The following ZNF800 variants were observed in gnomAD, a reference collection of about 807,000 sequenced individuals.
ZNF800 encodes zinc finger protein 800.
Under a neutral mutation model 59.5 loss-of-function variants are expected in ZNF800, and 13 were observed. The ratio of observed to expected loss-of-function variants is 0.22; its 90% confidence interval spans 0.14 to 0.35. The LOEUF (loss-of-function observed/expected upper bound fraction) is 0.35, where lower values mean the gene tolerates loss of function less well. ZNF800 is among the 10% of genes least tolerant of loss of function. ZNF800 has a pLI of 1.00. For synonymous variants in ZNF800, 266 were observed against 265.7 expected (o/e 1.00, Z -0.01); for missense variants, 621 against 783.7 (o/e 0.79, Z 2.48).
Position 127,374,281 on chromosome 7 carries a change from G to C in ZNF800, c.1055C>G (p.Ala352Gly). 1 of 1,613,622 alleles carries C rather than the reference G, an allele frequency of 6.2e-7. No individual in the cohort carries two copies. The highest frequency in any genetic ancestry group is 8.5e-7 in the Non-Finnish European group (1 of 1,179,906). Residue 352 changes from alanine (A) to glycine (G), a missense_variant, in exon 5 of 6, where the codon GCT becomes GGT. Ala to Gly is a moderately conservative substitution (Grantham distance 60). This residue lies in a region of ZNF800 where 185 missense variants were observed against 177.6 expected (regional missense o/e 1.04). Transcript: ENST00000265827. ...KTRKQKSSSKAEYNLTACKCL... is the reference protein window; with the variant it reads ...KTRKQKSSSKGEYNLTACKCL... Reference sequence around the variant, plus strand: ...TTTGCATGCAGTTAAATTGTATTCAGCCTTTGAAGAAGACTTTTGTTTTCG... The same window carrying C: ...TTTGCATGCAGTTAAATTGTATTCACCCTTTGAAGAAGACTTTTGTTTTCG...
At position 127,371,531 on chromosome 7, in the gene ZNF800, C is replaced by T. The variant is rs982941618; in HGVS notation, c.*283G>A. ...AAAATTTGTAACATTTTTGTAGAAA[C>T]TGTCGACCAAATGCACAAGGTCAAG... is the stretch of plus-strand genomic sequence containing the variant. On this transcript the variant is annotated 3_prime_UTR_variant, in exon 6 of 6. Transcript: ENST00000265827. 3.3e-6 allele frequency: 1 copy of T among 305,184 alleles called. No homozygotes were observed. Among genetic ancestry groups the T allele is most frequent in the African/African-American group, 2.1e-5 (1 of 46,542 alleles). 18.9% of individuals were successfully genotyped at this position (305,184 alleles called of 1,614,324 possible).
chr7:127,374,640 A>G lies in ZNF800; in HGVS notation c.696T>C (p.Cys232=). 1.9e-6 allele frequency: 3 copies of G among 1,614,076 alleles called. No homozygotes were observed. The highest frequency in any genetic ancestry group is 2.5e-6 in the Non-Finnish European group (3 of 1,179,946). Residue 232 remains cysteine, a synonymous_variant, in exon 5 of 6, where the codon TGT becomes TGC. Coordinates refer to ENST00000265827, the MANE Select transcript of ZNF800 (RefSeq NM_176814.5). ...DNSDFGHQLI[C]CLCRKEFNSR... ...AATTGAATTCTTTTCTACAAAGACA[A>G]CATATCAACTGGTGACCAAAATCAG... is the stretch of plus-strand genomic sequence containing the variant.
intron 3 of ZNF800, 71 bp downstream of exon 3, chr7:127,385,989 T>C: frequency 1.0e-6 from 1 of 998,718 alleles, no homozygotes; most frequent in Non-Finnish European, 1.5e-6. Flanking sequence ...TTAAAAATTA[T>C]TTCTAAGGAC....
downstream of ZNF800, among the ~76,000 whole-genome samples, chr7:127,344,335 G>A (rs985149216): frequency 2.6e-5 from 4 of 151,944 alleles, no homozygotes; most frequent in African/African-American, 9.7e-5. Context: ...ATAAAAATAT[G>A]CAAAACATAC....
At chr7:127,343,168 G>T (rs1313637035), downstream of ZNF800, among the ~76,000 whole-genome samples, 1 of 151,528 alleles carries the variant, frequency 6.6e-6, no homozygotes, top group Non-Finnish European at 1.5e-5. Flanking sequence ...CCATCAATTA[G>T]TACAAAACAT....
chr7:127,351,024 G>A (rs1030793124), intron 1 of ZNF800, among the ~76,000 whole-genome samples: 3 of 152,204 alleles, frequency 2.0e-5, no homozygotes, highest in African/African-American at 7.2e-5. Flanking sequence ...TGCACTGAGA[G>A]GCATCAACAG....
At chr7:127,378,408 C>T (rs1223288860) in intron 3 of ZNF800, among the ~76,000 whole-genome samples, 2 of 151,980 alleles carry the variant, frequency 1.3e-5, no homozygotes, top group African/African-American at 4.8e-5. Context: ...CTTTACTTTC[C>T]TCAAATTAAA....
intron 1 of ZNF800, among the ~76,000 whole-genome samples, chr7:127,352,001 G>GAAATTTA (rs1002826638): frequency 1.1e-4 from 17 of 152,136 alleles, no homozygotes; most frequent in African/African-American, 4.1e-4. Context: ...GCAAGAAACT[G>GAAATTTA]AAATTTAAAA....
chr7:127,367,802 G>C (rs909228593), downstream of ZNF800, among the ~76,000 whole-genome samples: 2 of 152,074 alleles, frequency 1.3e-5, no homozygotes, highest in African/African-American at 4.8e-5. Context: ...AAATGTGCTA[G>C]GCACCGTACA....
intron 1 of ZNF800, chr7:127,361,878 T>A (rs1800399658): frequency 1.3e-5 from 2 of 152,136 alleles, no homozygotes; most frequent in African/African-American, 4.8e-5. Flanking sequence ...TTTGGAAAGG[T>A]TCTCATTCAA....
In ZNF800 at chr7:127,373,368, T is replaced by G; in HGVS notation, c.1968A>C (p.Arg656=). 5.6e-6 allele frequency: 9 copies of G among 1,607,552 alleles called. No individual in the cohort carries two copies. Among genetic ancestry groups the G allele is most frequent in the Non-Finnish European group, 7.6e-6 (9 of 1,176,490 alleles). ...NSPEGNKTKG[R]STRSKALV ...AGACAAGAGCCTTAGATCTTGTACT[T>G]CGGCCTTTGGTTTTGTTTCCTTCAG... is the stretch of plus-strand genomic sequence containing the variant. The change falls in exon 5 of 6, where the codon CGA becomes CGC. Residue 656 remains arginine (R), a synonymous_variant. Coordinates refer to ENST00000265827, the MANE Select transcript of ZNF800 (RefSeq NM_176814.5).
In ZNF800 at chr7:127,373,388, C is replaced by T; in HGVS notation, c.1948G>A (p.Gly650Arg). The T allele has an allele frequency of 1.9e-6, 3 of 1,611,998 alleles. No homozygotes were observed. ...GTACTTCGGCCTTTGGTTTTGTTTCCTTCAGGTGAATTGGAAGCATTTGCC... is the reference window on the plus strand; with the variant it reads ...GTACTTCGGCCTTTGGTTTTGTTTCTTTCAGGTGAATTGGAAGCATTTGCC... ...HKANASNSPEGNKTKGRSTRS... is the reference protein window; with the variant it reads ...HKANASNSPERNKTKGRSTRS... Residue 650 changes from glycine to arginine, a missense_variant, in exon 5 of 6, where the codon GGA becomes AGA. Physicochemically the swap from Gly to Arg is moderately radical, Grantham distance 125. Around this residue, in one of 7 missense-constraint regions of ZNF800, gnomAD observed 94 missense variants for 108.5 expected, o/e 0.87. Transcript: ENST00000265827.
chr7:127,361,231 G>A (rs1800386316), intron 1 of ZNF800: 2 of 152,110 alleles, frequency 1.3e-5, no homozygotes, highest in Admixed American at 1.3e-4. Flanking sequence ...TAATACAAGA[G>A]GACATTCCAA....
downstream of ZNF800, among the ~76,000 whole-genome samples, chr7:127,369,161 G>A (rs1379639155): frequency 6.6e-6 from 1 of 152,008 alleles, no homozygotes; most frequent in African/African-American, 2.4e-5. Flanking sequence ...AGCAACCTAC[G>A]CCTGTTGTTT....
At chr7:127,352,452 A>C (rs938541160) in intron 1 of ZNF800, among the ~76,000 whole-genome samples, 1 of 152,222 alleles carries the variant, frequency 6.6e-6, no homozygotes, top group Non-Finnish European at 1.5e-5. Flanking sequence ...AGTAGAAAGG[A>C]TGCTCTGCAT....
chr7:127,364,548 C>T (rs1236715530), intron 1 of ZNF800: 7 of 152,020 alleles, frequency 4.6e-5, no homozygotes, highest in Admixed American at 2.6e-4. Flanking sequence ...GACTAGATGG[C>T]AGTAACTAGG....
chr7:127,379,572 A>G (rs573034518), intron 3 of ZNF800, among the ~76,000 whole-genome samples: 1 of 152,290 alleles, frequency 6.6e-6, no homozygotes, highest in East Asian at 1.9e-4. Flanking sequence ...GTCTGTAAAC[A>G]TGAGGTTATA....
At chr7:127,348,959 A>T (rs1022471147) in intron 1 of ZNF800, among the ~76,000 whole-genome samples, 1 of 152,228 alleles carries the variant, frequency 6.6e-6, no homozygotes, top group Admixed American at 6.5e-5. Context: ...TGCGTAAATT[A>T]CAGTATTACA....
downstream of ZNF800, among the ~76,000 whole-genome samples, chr7:127,346,583 A>C (rs1800068678): frequency 6.6e-6 from 1 of 152,222 alleles, no homozygotes; most frequent in Non-Finnish European, 1.5e-5. Flanking sequence ...AGGGGCTGAT[A>C]AACAGTGGGG....
Sources: allele counts gnomAD v4.1 joint callset (sites outside exome capture counted in the v4.1 genomes callset), GRCh38; gene constraint gnomAD v4.1.1; regional missense constraint gnomAD v4.1.1; transcripts MANE v1.5; gene names NCBI Gene and HGNC (gene_info 2026-07-23, HGNC 2026-07-21).